SDK2: variants seen among roughly 807,000 people sequenced by gnomAD.
SDK2 encodes the protein sidekick cell adhesion molecule 2.
Under a neutral mutation model 253.9 loss-of-function variants are expected in SDK2, and 105 were observed. That is an observed-to-expected ratio of 0.41 (90% CI 0.35 to 0.49). The LOEUF is 0.49. SDK2 is among the 20% of genes least tolerant of loss of function. The probability of loss-of-function intolerance (pLI) is 0.06; values close to 1 mark genes in which losing one functional copy is unlikely to be tolerated. For missense variants in SDK2, 2,608 were observed against 3,003.0 expected, an observed-to-expected ratio of 0.87 and a Z score of 3.07; for synonymous variants, 1,249 against 1,234.9, an observed-to-expected ratio of 1.01 and a Z score of -0.24.
At chr17:73,526,110 C>G (rs1366494589) in intron 1 of SDK2, among the ~76,000 whole-genome samples, 2 of 152,208 alleles carry the variant, frequency 1.3e-5, no homozygotes, top group African/African-American at 4.8e-5. Flanking sequence ...AATGAGCATC[C>G]TAAATGGCAC....
intron 1 of SDK2, among the ~76,000 whole-genome samples, chr17:73,522,759 G>A (rs1437730205): frequency 6.6e-6 from 1 of 152,240 alleles, no homozygotes; most frequent in Non-Finnish European, 1.5e-5. Flanking sequence ...TGATACCAGG[G>A]AAGAGGAGAG....
intron 29 of SDK2, among the ~76,000 whole-genome samples, chr17:73,389,345 A>T: frequency 7.0e-6 from 1 of 142,038 alleles, no homozygotes; most frequent in African/African-American, 3.1e-5. Flanking sequence ...CACCATGCCC[A>T]GCTAATTTTT....
intron 1 of SDK2, among the ~76,000 whole-genome samples, chr17:73,533,274 G>A (rs769436657): frequency 9.9e-5 from 15 of 152,232 alleles, no homozygotes; most frequent in African/African-American, 1.7e-4. Context: ...ACAGGTGGGC[G>A]TGCAGCCAGG....
chr17:73,582,490 C>T (rs970620870), intron 1 of SDK2, among the ~76,000 whole-genome samples: 6 of 152,186 alleles, frequency 3.9e-5, no homozygotes, highest in Admixed American at 3.3e-4. Context: ...GTGGCTGTGA[C>T]AATTATCAAA....
At chr17:73,627,433 T>G (rs1445048183) in intron 1 of SDK2, among the ~76,000 whole-genome samples, 1 of 152,150 alleles carries the variant, frequency 6.6e-6, no homozygotes, top group African/African-American at 2.4e-5. Context: ...CCTCCTTCCA[T>G]GTGAGTTGAG....
At chr17:73,449,843 A>T (rs911873343) in intron 4 of SDK2, among the ~76,000 whole-genome samples, 1 of 152,014 alleles carries the variant, frequency 6.6e-6, no homozygotes, top group African/African-American at 2.4e-5. Flanking sequence ...AAATCGCTTG[A>T]ACCTGGGAGG....
intron 1 of SDK2, among the ~76,000 whole-genome samples, chr17:73,641,890 C>T (rs2046402770): frequency 6.6e-6 from 1 of 152,154 alleles, no homozygotes; most frequent in Non-Finnish European, 1.5e-5. Flanking sequence ...AGCCTAGGAC[C>T]ACGTTCCCAC....
Position 73,431,756 on chromosome 17 carries a change from C to G in SDK2, c.1313-87G>C. 1 of 1,325,066 alleles carries G rather than the reference C, an allele frequency of 7.5e-7. No individual in the cohort carries two copies. The highest frequency in any genetic ancestry group is 1.0e-6 in the Non-Finnish European group (1 of 996,632). The allele number at this position is 1,325,066 out of a possible 1,614,324, so 82.1% of individuals were successfully genotyped here. ...TGGCCGCTCCAGGGCAGCATGGTCCCCCCACAGGCCCCTGGCTCTGGAAAT... is the reference window on the plus strand; with the variant it reads ...TGGCCGCTCCAGGGCAGCATGGTCCGCCCACAGGCCCCTGGCTCTGGAAAT... On this transcript the variant is annotated intron_variant, in intron 10 of 44. Transcript: ENST00000392650. The surrounding 1 kb of genome is among the most constrained non-coding windows in gnomAD (Gnocchi z 5.6).
intron 2 of SDK2, among the ~76,000 whole-genome samples, chr17:73,493,870 G>C (rs952216844): frequency 6.6e-6 from 1 of 151,976 alleles, no homozygotes; most frequent in African/African-American, 2.4e-5. Flanking sequence ...GCTTCAGAGA[G>C]CTCCACAGTT....
At position 73,447,490 on chromosome 17, in the gene SDK2, C is replaced by G. The variant is rs144148219; in HGVS notation, c.613+125G>C. 108 of 1,380,432 alleles carry G rather than the reference C, an allele frequency of 7.8e-5. No homozygotes were observed. The highest frequency in any genetic ancestry group is 1.0e-4 in the Non-Finnish European group (106 of 1,009,872). 85.5% of individuals were successfully genotyped at this position (1,380,432 alleles called of 1,614,324 possible). A position where few individuals can be genotyped will look rare whatever the true frequency, so the allele number is the denominator to read the frequency against. ...TCGTCCTCCTTGGGAAGGCTCCCCC[C>G]GGCCGTCCCCTAGCTTCCCTGTCCC... On this transcript the variant is annotated intron_variant, in intron 5 of 44. Coordinates refer to ENST00000392650, the MANE Select transcript of SDK2 (RefSeq NM_001144952.2). This position sits in a 1 kb window ranked among gnomAD's most constrained non-coding sequence, Gnocchi z 4.0.
intron 22 of SDK2, 38 bp downstream of exon 22, chr17:73,399,130 T>G: frequency 6.2e-7 from 1 of 1,608,032 alleles, no homozygotes. Flanking sequence ...CGGGGTGCCC[T>G]GGCGGGGGCT....
intron 21 of SDK2, among the ~76,000 whole-genome samples, chr17:73,400,279 C>G (rs1267694603): frequency 6.6e-6 from 1 of 152,244 alleles, no homozygotes; most frequent in Non-Finnish European, 1.5e-5. Flanking sequence ...TCGGCTTGCT[C>G]TCTGTGCCAG....
chr17:73,432,515 A>G (rs779819787), intron 10 of SDK2, among the ~76,000 whole-genome samples: 1 of 152,106 alleles, frequency 6.6e-6, no homozygotes, highest in African/African-American at 2.4e-5. Flanking sequence ...ACAAATGTTT[A>G]TTGAGTGCCT....
chr17:73,618,147 T>G lies in SDK2; in HGVS notation c.64+25878A>C, dbSNP rs2046084021. Reference sequence around the variant, plus strand: ...GAGACCTTGAACCAATAGATAGGTTTCCTTACCTGCAGGTAGGGAAATGGT... The same window carrying G: ...GAGACCTTGAACCAATAGATAGGTTGCCTTACCTGCAGGTAGGGAAATGGT... On this transcript the variant is annotated intron_variant, in intron 1 of 44. Coordinates refer to ENST00000392650, the MANE Select transcript of SDK2 (RefSeq NM_001144952.2). This position sits in a 1 kb window ranked among gnomAD's most constrained non-coding sequence, Gnocchi z 4.1. 6.6e-6 allele frequency among the ~76,000 whole-genome samples: 1 copy of G among 152,206 alleles called. No homozygotes were observed. Among genetic ancestry groups the G allele is most frequent in the Non-Finnish European group, 1.5e-5 (1 of 68,022 alleles).
chr17:73,560,485 G>A (rs1046879048), intron 1 of SDK2, among the ~76,000 whole-genome samples: 1 of 152,178 alleles, frequency 6.6e-6, no homozygotes, highest in African/African-American at 2.4e-5. Flanking sequence ...GACTACAGGC[G>A]TGCGCCACCA....
chr17:73,544,240 G>T (rs1463952527), intron 1 of SDK2, among the ~76,000 whole-genome samples: 1 of 152,226 alleles, frequency 6.6e-6, no homozygotes, highest in East Asian at 1.9e-4. Context: ...TCCTCAGGTT[G>T]CAGCTTCAGT....
At chr17:73,421,928 A>G (rs1355694732) in intron 15 of SDK2, among the ~76,000 whole-genome samples, 1 of 151,836 alleles carries the variant, frequency 6.6e-6, no homozygotes, top group Non-Finnish European at 1.5e-5. Flanking sequence ...AGACATGGAT[A>G]TGGAGATCTG....
intron 18 of SDK2, among the ~76,000 whole-genome samples, chr17:73,406,520 A>G (rs1042892200): frequency 6.6e-6 from 1 of 151,702 alleles, no homozygotes; most frequent in Non-Finnish European, 1.5e-5. Context: ...AAAGTGTTGG[A>G]ATTACAGGCG....
intron 36 of SDK2, among the ~76,000 whole-genome samples, chr17:73,370,525 G>C (rs1223220567): frequency 2.0e-5 from 3 of 151,770 alleles, no homozygotes; most frequent in African/African-American, 4.8e-5. Flanking sequence ...TTACAGGTGT[G>C]AGCCACTGTG....
Sources: allele counts gnomAD v4.1 joint callset (sites outside exome capture counted in the v4.1 genomes callset), GRCh38; gene constraint gnomAD v4.1.1; non-coding constraint Gnocchi (gnomAD v3.1); transcripts MANE v1.5; gene names NCBI Gene and HGNC (gene_info 2026-07-23, HGNC 2026-07-21).